The following TANGO6 variants were observed in gnomAD, a reference collection of about 807,000 sequenced individuals.
The protein encoded by TANGO6 is transport and Golgi organization protein 6 homolog.
In TANGO6, 90 loss-of-function variants were observed where a neutral mutation model predicts 114.2. That is an observed-to-expected ratio of 0.79 (90% CI 0.66 to 0.94). TANGO6 has a LOEUF of 0.94. Ranked by LOEUF, TANGO6 falls within the 40% of genes least tolerant of loss-of-function variation. The probability of loss-of-function intolerance (pLI) is 0.00; values close to 1 mark genes in which losing one functional copy is unlikely to be tolerated. For missense variants in TANGO6, 1,274 were observed against 1,315.3 expected (o/e 0.97, Z 0.49); for synonymous variants, 477 against 509.8 (o/e 0.94, Z 0.87).
chr16:68,991,454 A>G (rs770049493), intron 15 of TANGO6, among the ~76,000 whole-genome samples: 186 of 152,106 alleles, frequency 1.2e-3, no homozygotes, highest in Non-Finnish European at 2.2e-3. Flanking sequence ...TGCCTCTACT[A>G]AAAATAGAAA....
At chr16:68,865,753 C>CAAAAAAAAAAAAAA (rs367608096) in intron 3 of TANGO6, among the ~76,000 whole-genome samples, 3 of 115,062 alleles carry the variant, frequency 2.6e-5, no homozygotes, top group Admixed American at 9.3e-5. Flanking sequence ...ACTAAAAATA[C>CAAAAAAAAAAAAAA]AAAAAAAAAA....
chr16:68,890,421 A>C (rs1046791713), intron 7 of TANGO6, among the ~76,000 whole-genome samples: 1 of 152,250 alleles, frequency 6.6e-6, no homozygotes, highest in African/African-American at 2.4e-5. Context: ...GAAATGTCTT[A>C]TCCATGTTCA....
chr16:68,918,638 A>C (rs1242863747), intron 11 of TANGO6, among the ~76,000 whole-genome samples: 1 of 152,220 alleles, frequency 6.6e-6, no homozygotes, highest in Non-Finnish European at 1.5e-5. Context: ...TCATTTATTA[A>C]GTGTATGGCC....
At chr16:68,973,494 A>C (rs575225497) in intron 14 of TANGO6, among the ~76,000 whole-genome samples, 43 of 152,268 alleles carry the variant, frequency 2.8e-4, no homozygotes, top group African/African-American at 9.9e-4. Flanking sequence ...GGCTGGGCTC[A>C]GATTATGATA....
intron 7 of TANGO6, among the ~76,000 whole-genome samples, chr16:68,891,777 T>G (rs1962624564): frequency 6.9e-6 from 1 of 145,720 alleles, no homozygotes; most frequent in African/African-American, 2.6e-5. Flanking sequence ...TAGCTACAGC[T>G]TAAGGAAGGA....
chr16:68,979,736 A>T (rs565589099), intron 15 of TANGO6, among the ~76,000 whole-genome samples: 1 of 152,006 alleles, frequency 6.6e-6, no homozygotes, highest in Non-Finnish European at 1.5e-5. Context: ...AATATTTTCC[A>T]TATATTGACT....
intron 7 of TANGO6, 165 bp from the exon 8 acceptor site, chr16:68,900,269 A>G: frequency 1.7e-6 from 1 of 605,850 alleles, no homozygotes; most frequent in Admixed American, 3.1e-5. Context: ...TGCCAAACTC[A>G]AATTGTTTCA....
At chr16:69,016,008 TCTC>T (rs1427616825) in intron 15 of TANGO6, among the ~76,000 whole-genome samples, 1 of 152,154 alleles carries the variant, frequency 6.6e-6, no homozygotes, top group Non-Finnish European at 1.5e-5. Context: ...CTTGAGGTCT[TCTC>T]CTCTGAGAGC....
rs917156178 is a variant in TANGO6, at chr16:69,023,049, A to T, written c.2994+70A>T. 6.9e-6 allele frequency: 10 copies of T among 1,443,158 alleles called. No homozygotes were observed. The African/African-American group carries it at 1.3e-4, about 19-fold the overall frequency. 89.4% of individuals were successfully genotyped at this position (1,443,158 alleles called of 1,614,324 possible). ...ACCTACGATGCATCTTGAGATTGGG[A>T]GTCAGGAGACCTGGGCTCTTTTTGC... On this transcript the variant is annotated intron_variant, in intron 16 of 17. Transcript: ENST00000261778.
In TANGO6 at chr16:68,855,090, C is replaced by T. The variant is rs76269430; in HGVS notation, c.95-4794C>T. Among the ~76,000 whole-genome samples the T allele has an allele frequency of 4.6e-3, 693 of 151,398 alleles. 11 individuals are homozygous for T. The East Asian group carries it at 0.071, about 15-fold the overall frequency. On this transcript the variant is annotated intron_variant, in intron 1 of 17. Coordinates refer to ENST00000261778, the MANE Select transcript of TANGO6 (RefSeq NM_024562.2). ...CGTGATCTCAGCTTACTGCAACTACCCAGCTACCTGGGAGGCTGAGGCAGG... is the reference window on the plus strand; with the variant it reads ...CGTGATCTCAGCTTACTGCAACTACTCAGCTACCTGGGAGGCTGAGGCAGG...
In TANGO6 at chr16:68,883,617, A is replaced by G. The variant is rs927667898; in HGVS notation, c.1377+2987A>G. Among the ~76,000 whole-genome samples the G allele has an allele frequency of 2.0e-4, 30 of 152,228 alleles. 2 individuals are homozygous for G. Among genetic ancestry groups the G allele is most frequent in the Non-Finnish European group, 4.4e-5 (3 of 68,038 alleles). On this transcript the variant is annotated intron_variant, in intron 7 of 17. Coordinates refer to ENST00000261778, the MANE Select transcript of TANGO6 (RefSeq NM_024562.2). ...TGTTATTAATAATGCTGCTATGGACATTCATGTAAACATTATTGTGTATAT... is the reference window on the plus strand; with the variant it reads ...TGTTATTAATAATGCTGCTATGGACGTTCATGTAAACATTATTGTGTATAT...
At chr16:68,860,794 T>C (rs74025327) in intron 2 of TANGO6, among the ~76,000 whole-genome samples, 16,637 of 152,144 alleles carry the variant, frequency 0.11, 925 homozygotes, top group Non-Finnish European at 0.13. Flanking sequence ...GAGCCTCTGT[T>C]TCTTCTTCTA....
chr16:68,879,591 T>C (rs1160072522), intron 6 of TANGO6, among the ~76,000 whole-genome samples: 1 of 151,862 alleles, frequency 6.6e-6, no homozygotes, highest in Non-Finnish European at 1.5e-5. Flanking sequence ...GTCACCTAGA[T>C]ACAACTATTA....
chr16:68,914,352 G>A (rs772849892), intron 11 of TANGO6, among the ~76,000 whole-genome samples: 1 of 152,090 alleles, frequency 6.6e-6, no homozygotes, highest in Admixed American at 6.6e-5. Flanking sequence ...AGTAGAGATG[G>A]TGTTTCTCCA....
chr16:68,946,813 T>A (rs1017062081), intron 14 of TANGO6, among the ~76,000 whole-genome samples: 8 of 152,242 alleles, frequency 5.3e-5, no homozygotes, highest in Admixed American at 1.3e-4. Flanking sequence ...AATTTCTCTT[T>A]CATTGCTTGC....
At position 68,862,945 on chromosome 16, in the gene TANGO6, G is replaced by T; in HGVS notation, c.736G>T (p.Val246Phe). Residue 246 changes from valine (V) to phenylalanine (F), a missense_variant and splice_region_variant, in exon 3 of 18, where the codon GTT (valine) becomes TTT (phenylalanine). Physicochemically the swap from Val to Phe is conservative, Grantham distance 50. Around this residue, in one of 5 missense-constraint regions of TANGO6, gnomAD observed 908 missense variants for 910.2 expected, o/e 1.00. Transcript: ENST00000261778. Reference protein sequence around the residue: ...KRKLLTPAEEVLTEEERTLSR... With the variant: ...KRKLLTPAEEFLTEEERTLSR... ...AAAGCCAAGTGCATATTTCTTTTAG[G>T]TTCTAACTGAAGAGGAGAGAACCCT... 6.3e-7 allele frequency: 1 copy of T among 1,581,692 alleles called. No homozygotes were observed. The highest frequency in any genetic ancestry group is 1.2e-5 in the South Asian group (1 of 86,294).
intron 17 of TANGO6, among the ~76,000 whole-genome samples, chr16:69,058,015 G>T (rs1353413766): frequency 6.6e-6 from 1 of 152,184 alleles, no homozygotes; most frequent in Non-Finnish European, 1.5e-5. Flanking sequence ...CTGCCAAGCT[G>T]GGGAGTCAGT....
At position 68,930,248 on chromosome 16, in the gene TANGO6, A is replaced by G; in HGVS notation, c.2654A>G (p.Glu885Gly). The change falls in exon 14 of 18, where the codon GAA (glutamate) becomes GGA (glycine). Residue 885 changes from glutamate to glycine, a missense_variant. Physicochemically the swap from Glu to Gly is moderately conservative, Grantham distance 98. Transcript: ENST00000261778. ...MQEKLLKIFL[E>G]NLEHEDTFVY... The stretch of plus-strand genomic sequence containing the variant: ...ATTTTGTGGTTCCAGATATTCTTGG[A>G]AAACTTGGAACATGAAGACACTTTT... 6.4e-7 allele frequency: 1 copy of G among 1,553,820 alleles called. No homozygotes were observed.
At position 68,843,610 on chromosome 16, in the gene TANGO6, C is replaced by T. The variant is rs1248565921; in HGVS notation, c.-8C>T. 6.2e-7 allele frequency: 1 copy of T among 1,612,992 alleles called. No individual in the cohort carries two copies. The highest frequency in any genetic ancestry group is 8.5e-7 in the Non-Finnish European group (1 of 1,179,506). ...AGCGGGTCGCGAGCGTGGTGTTACA[C>T]TCCAGTCATGGCGGCCCGACAGGCC... On this transcript the variant is annotated 5_prime_UTR_variant, in exon 1 of 18. Transcript: ENST00000261778.
Sources: allele counts gnomAD v4.1 joint callset (sites outside exome capture counted in the v4.1 genomes callset), GRCh38; gene constraint gnomAD v4.1.1; regional missense constraint gnomAD v4.1.1; transcripts MANE v1.5; gene names NCBI Gene and HGNC (gene_info 2026-07-23, HGNC 2026-07-21).